SSH2: variants seen among roughly 807,000 people sequenced by gnomAD.
The protein encoded by SSH2 is slingshot protein phosphatase 2.
In SSH2, 37 loss-of-function variants were observed where a neutral mutation model predicts 135.2. The ratio of observed to expected loss-of-function variants is 0.27; its 90% CI spans 0.21 to 0.36. The LOEUF is 0.36. Ranked by LOEUF, SSH2 falls within the 10% of genes least tolerant of loss-of-function variation. SSH2 has a pLI of 1.00. For synonymous variants in SSH2, 628 were observed against 646.2 expected (o/e 0.97, Z 0.43); for missense variants, 1,408 against 1,765.3 (o/e 0.80, Z 3.63).
At chr17:29,919,388 G>T (rs192884243) in intron 1 of SSH2, among the ~76,000 whole-genome samples, 1 of 152,212 alleles carries the variant, frequency 6.6e-6, no homozygotes, top group East Asian at 1.9e-4. Context: ...GGGAACCATG[G>T]GACCTTTCAT....
chr17:29,658,151 G>C (rs773532501), intron 11 of SSH2, among the ~76,000 whole-genome samples: 5 of 149,884 alleles, frequency 3.3e-5, no homozygotes, highest in Admixed American at 3.3e-4. Context: ...TTACAGGTGC[G>C]CACCACCACA....
intron 11 of SSH2, among the ~76,000 whole-genome samples, chr17:29,662,591 T>A (rs1004167104): frequency 6.6e-6 from 1 of 152,206 alleles, no homozygotes; most frequent in Non-Finnish European, 1.5e-5. Flanking sequence ...TTACACACCC[T>A]CTGTTTCTCT....
chr17:29,718,077 T>TTGTAATTGGGATTTTC lies in SSH2; in HGVS notation c.189-15031_189-15016dup, dbSNP rs1341005613. On this transcript the variant is annotated intron_variant, in intron 3 of 15. Coordinates refer to ENST00000540801, the MANE Select transcript of SSH2 (RefSeq NM_001282129.2). ...CATTTGTAATTCACTTTCCAACACA[T>TTGTAATTGGGATTTTC]TGTAATTGGGATTTTCTTTTGCCTG... is the stretch of plus-strand genomic sequence containing the variant. Among the ~76,000 whole-genome samples, 5 of 152,224 alleles carry TTGTAATTGGGATTTTC rather than the reference T, an allele frequency of 3.3e-5. 1 individual carries two copies. In the East Asian group the frequency reaches 9.6e-4, roughly 29 times the overall value.
intron 1 of SSH2, among the ~76,000 whole-genome samples, chr17:29,913,382 A>ATC (rs1567650218): frequency 1.2e-4 from 12 of 96,216 alleles, no homozygotes; most frequent in East Asian, 3.0e-4. Context: ...ATATATATAT[A>ATC]TCCAATTTCT....
At chr17:29,804,778 C>G (rs1428496605) in intron 2 of SSH2, among the ~76,000 whole-genome samples, 1 of 150,516 alleles carries the variant, frequency 6.6e-6, no homozygotes, top group Non-Finnish European at 1.5e-5. Context: ...TTCAAGTGTT[C>G]TCTCGCCTCA....
intron 2 of SSH2, among the ~76,000 whole-genome samples, chr17:29,806,158 ACT>A (rs1415878057): frequency 6.6e-6 from 1 of 152,098 alleles, no homozygotes; most frequent in African/African-American, 2.4e-5. Flanking sequence ...TAGTAAGAAG[ACT>A]CTGCCTCTGT....
intron 3 of SSH2, among the ~76,000 whole-genome samples, chr17:29,757,742 A>AAG: frequency 1.7e-5 from 2 of 121,038 alleles, no homozygotes; most frequent in East Asian, 2.8e-4. Flanking sequence ...AAAAAAAAAA[A>AAG]AGAGAGAGAG....
chr17:29,835,247 A>G (rs1479132592), intron 2 of SSH2, among the ~76,000 whole-genome samples: 1 of 152,226 alleles, frequency 6.6e-6, no homozygotes, highest in Non-Finnish European at 1.5e-5. Flanking sequence ...TGGGGCAAAA[A>G]GAATAAGTGG....
Position 29,662,087 on chromosome 17 carries a change from C to T in SSH2, c.1032+4780G>A, listed in dbSNP as rs146102266. On this transcript the variant is annotated intron_variant, in intron 11 of 15. Transcript: ENST00000540801. ...ATTCTACCAGGGTTTCCATTATGTT[C>T]TATGTAATTATGCAAAGCATATTCT... Among the ~76,000 whole-genome samples the T allele has an allele frequency of 7.5e-3, 1,146 of 152,260 alleles. 5 individuals are homozygous for T. The highest frequency in any genetic ancestry group is 0.012 in the Non-Finnish European group (826 of 68,016).
At chr17:29,819,245 T>C (rs2151339628) in intron 2 of SSH2, among the ~76,000 whole-genome samples, 1 of 151,852 alleles carries the variant, frequency 6.6e-6, no homozygotes, top group African/African-American at 2.4e-5. Context: ...CAAACACAAA[T>C]GTAGAAAAGC....
chr17:29,921,329 C>A (rs2066972215), intron 1 of SSH2, among the ~76,000 whole-genome samples: 1 of 152,142 alleles, frequency 6.6e-6, no homozygotes, highest in Non-Finnish European at 1.5e-5. Context: ...CAATAAATAT[C>A]CCTATGATGA....
chr17:29,793,674 G>C, intron 3 of SSH2: 1 of 412,832 alleles, frequency 2.4e-6, no homozygotes, highest in Non-Finnish European at 4.5e-6. Flanking sequence ...CTGATACGTT[G>C]TCTCAAACTC....
At chr17:29,657,570 CT>C (rs1227175351) in intron 11 of SSH2, among the ~76,000 whole-genome samples, 1 of 90,868 alleles carries the variant, frequency 1.1e-5, no homozygotes, top group African/African-American at 3.9e-5. Context: ...TGCCCGGCTA[CT>C]TTGTTTTTTT....
intron 3 of SSH2, among the ~76,000 whole-genome samples, chr17:29,764,153 G>A (rs988452987): frequency 2.3e-4 from 35 of 152,052 alleles, no homozygotes; most frequent in Admixed American, 5.9e-4. Flanking sequence ...GTTTCACCAT[G>A]TTGGCCAGGC....
intron 3 of SSH2, among the ~76,000 whole-genome samples, chr17:29,756,279 AAG>A (rs1378673891): frequency 4.6e-5 from 7 of 151,504 alleles, no homozygotes; most frequent in Non-Finnish European, 1.0e-4. Flanking sequence ...AAAAAAAAAA[AAG>A]AGAGGGAGAT....
intron 14 of SSH2, among the ~76,000 whole-genome samples, chr17:29,639,928 C>T (rs985321611): frequency 7.0e-4 from 106 of 152,164 alleles, no homozygotes; most frequent in African/African-American, 2.5e-3. Context: ...CAAACCTGCA[C>T]CAGCTTCTCT....
At chr17:29,907,032 A>T (rs2066666036) in intron 1 of SSH2, among the ~76,000 whole-genome samples, 1 of 152,220 alleles carries the variant, frequency 6.6e-6, no homozygotes, top group Non-Finnish European at 1.5e-5. Flanking sequence ...GAGGAATATA[A>T]GTCATTCTGT....
intron 15 of SSH2, among the ~76,000 whole-genome samples, chr17:29,635,654 C>G (rs993161804): frequency 1.3e-5 from 2 of 151,968 alleles, no homozygotes; most frequent in Non-Finnish European, 2.9e-5. Flanking sequence ...GTGATCCGCC[C>G]GCCTTGGCCT....
chr17:29,827,705 C>A (rs539973174), intron 2 of SSH2, among the ~76,000 whole-genome samples: 3 of 150,366 alleles, frequency 2.0e-5, no homozygotes, highest in Non-Finnish European at 3.0e-5. Context: ...CTCAGTATAG[C>A]TTTTTGAAGC....
Sources: allele counts gnomAD v4.1 joint callset (sites outside exome capture counted in the v4.1 genomes callset), GRCh38; gene constraint gnomAD v4.1.1; transcripts MANE v1.5; gene names NCBI Gene and HGNC (gene_info 2026-07-23, HGNC 2026-07-21).